HS3ST3A1: variants seen among roughly 807,000 people sequenced by gnomAD.
The protein encoded by HS3ST3A1 is heparan sulfate-glucosamine 3-sulfotransferase 3A1.
HS3ST3A1 carries 19 observed loss-of-function variants against 25.7 expected under a neutral mutation model. That is an observed-to-expected ratio of 0.74 (90% CI 0.52 to 1.08). HS3ST3A1 has a LOEUF of 1.08. Ranked by LOEUF, HS3ST3A1 falls within the 50% of genes least tolerant of loss-of-function variation. The pLI, the probability that HS3ST3A1 is intolerant of heterozygous loss-of-function variation, is 0.00. For missense variants in HS3ST3A1, 459 were observed against 594.3 expected, an observed-to-expected ratio of 0.77 and a Z score of 2.37; for synonymous variants, 226 against 278.6, an observed-to-expected ratio of 0.81 and a Z score of 1.88.
intron 1 of HS3ST3A1, among the ~76,000 whole-genome samples, chr17:13,502,564 A>G (rs892157589): frequency 6.6e-6 from 1 of 152,082 alleles, no homozygotes; most frequent in Non-Finnish European, 1.5e-5. Context: ...CATTGCCCTC[A>G]TGTTGTCTTT....
intron 1 of HS3ST3A1, among the ~76,000 whole-genome samples, chr17:13,540,945 T>C (rs983728839): frequency 6.6e-6 from 1 of 152,258 alleles, no homozygotes; most frequent in African/African-American, 2.4e-5. Context: ...TCATCAAATA[T>C]TTGAAAACTA....
chr17:13,508,077 G>A (rs916131304), intron 1 of HS3ST3A1, among the ~76,000 whole-genome samples: 10 of 152,252 alleles, frequency 6.6e-5, no homozygotes, highest in Middle Eastern at 3.4e-3. Flanking sequence ...CACACCAACC[G>A]AATCTGGATA....
chr17:13,551,473 T>C (rs1035108535), intron 1 of HS3ST3A1, among the ~76,000 whole-genome samples: 1 of 151,916 alleles, frequency 6.6e-6, no homozygotes, highest in Admixed American at 6.6e-5. Context: ...CACACAGCAA[T>C]TGATAGATAA....
intron 1 of HS3ST3A1, among the ~76,000 whole-genome samples, chr17:13,497,590 G>A (rs1193210554): frequency 6.6e-6 from 1 of 152,208 alleles, no homozygotes; most frequent in Non-Finnish European, 1.5e-5. Context: ...TCCAGTTGGA[G>A]TCTTGATACA....
intron 1 of HS3ST3A1, among the ~76,000 whole-genome samples, chr17:13,556,858 A>G (rs1440437945): frequency 6.6e-6 from 1 of 151,954 alleles, no homozygotes. Flanking sequence ...CCTAAAAAAA[A>G]AAAAAAAAGC....
chr17:13,601,204 C>A lies in HS3ST3A1; in HGVS notation c.-75G>T, dbSNP rs879107553. On this transcript the variant is annotated 5_prime_UTR_variant, in exon 1 of 2. Transcript: ENST00000284110. The stretch of plus-strand genomic sequence containing the variant: ...CCCCGACAGGTGCCAGAGCATCCCC[C>A]CGGCGGGCCAGCGCGCTGGACGGAG... 2 of 1,186,092 alleles carry A rather than the reference C, an allele frequency of 1.7e-6. No homozygotes were observed. Among genetic ancestry groups the A allele is most frequent in the African/African-American group, 1.6e-5 (1 of 61,340 alleles). 73.5% of individuals were successfully genotyped at this position (1,186,092 alleles called of 1,614,324 possible). A position where few individuals can be genotyped will look rare whatever the true frequency, so the allele number is the denominator to read the frequency against.
chr17:13,550,772 T>A (rs117403751), intron 1 of HS3ST3A1, among the ~76,000 whole-genome samples: 2,944 of 152,078 alleles, frequency 0.019, 35 homozygotes, highest in Middle Eastern at 0.031. Context: ...CGATATTTTT[T>A]AAAAATTCAA....
intron 1 of HS3ST3A1, among the ~76,000 whole-genome samples, chr17:13,579,778 G>C (rs1051460163): frequency 2.8e-5 from 4 of 141,960 alleles, no homozygotes; most frequent in African/African-American, 1.1e-4. Context: ...CAGATCACCT[G>C]AGGTCAACAT....
chr17:13,530,527 G>A (rs374538859), intron 1 of HS3ST3A1, among the ~76,000 whole-genome samples: 3 of 152,078 alleles, frequency 2.0e-5, no homozygotes, highest in East Asian at 1.9e-4. Flanking sequence ...TTTCAAAGGC[G>A]GTCCTGTTAC....
chr17:13,563,949 CTTAT>C (rs1907614941), intron 1 of HS3ST3A1, among the ~76,000 whole-genome samples: 2 of 152,256 alleles, frequency 1.3e-5, no homozygotes, highest in African/African-American at 4.8e-5. Flanking sequence ...AAATTAATTT[CTTAT>C]TAATTATTAT....
chr17:13,563,217 G>T (rs1000831755), intron 1 of HS3ST3A1, among the ~76,000 whole-genome samples: 19 of 151,860 alleles, frequency 1.3e-4, no homozygotes, highest in Non-Finnish European at 8.8e-5. Context: ...CGCCAGAACC[G>T]CAGCAAAGGG....
At chr17:13,534,847 G>A (rs1315391594) in intron 1 of HS3ST3A1, among the ~76,000 whole-genome samples, 1 of 152,044 alleles carries the variant, frequency 6.6e-6, no homozygotes, top group African/African-American at 2.4e-5. Context: ...CTAACATGGA[G>A]AAACCACGTC....
chr17:13,589,957 C>T (rs892053608), intron 1 of HS3ST3A1, among the ~76,000 whole-genome samples: 18 of 152,136 alleles, frequency 1.2e-4, no homozygotes, highest in Non-Finnish European at 1.8e-4. Context: ...TTCAAACCAG[C>T]CTGGCAACTT....
chr17:13,506,946 G>A (rs1227319580), intron 1 of HS3ST3A1, among the ~76,000 whole-genome samples: 1 of 151,060 alleles, frequency 6.6e-6, no homozygotes, highest in African/African-American at 2.4e-5. Flanking sequence ...GTGGAGCCTT[G>A]TAATCCCAGC....
intron 1 of HS3ST3A1, among the ~76,000 whole-genome samples, chr17:13,546,513 G>T (rs1027937490): frequency 1.3e-5 from 2 of 152,106 alleles, no homozygotes; most frequent in Non-Finnish European, 2.9e-5. Flanking sequence ...TGATCTACCC[G>T]CCTCGGCCTC....
chr17:13,532,915 AC>A (rs1906652091), intron 1 of HS3ST3A1, among the ~76,000 whole-genome samples: 1 of 148,326 alleles, frequency 6.7e-6, no homozygotes, highest in Non-Finnish European at 1.5e-5. Context: ...ATACACACAC[AC>A]ACACACACAC....
At chr17:13,517,876 T>G (rs1906105295) in intron 1 of HS3ST3A1, among the ~76,000 whole-genome samples, 1 of 152,184 alleles carries the variant, frequency 6.6e-6, no homozygotes, top group African/African-American at 2.4e-5. Context: ...ACTCCTGACC[T>G]CAGGTGATCC....
intron 1 of HS3ST3A1, among the ~76,000 whole-genome samples, chr17:13,501,004 G>A (rs116171326): frequency 0.016 from 2,437 of 152,298 alleles, 79 homozygotes; most frequent in African/African-American, 0.056. Flanking sequence ...AAATAATCCA[G>A]TGACAAAAAG....
chr17:13,599,886 GCACTTTA>G (rs1294215660), intron 1 of HS3ST3A1, among the ~76,000 whole-genome samples: 4 of 152,212 alleles, frequency 2.6e-5, no homozygotes, highest in Non-Finnish European at 5.9e-5. Context: ...AATATCAAAA[GCACTTTA>G]CAAAACTCAT....
Sources: allele counts gnomAD v4.1 joint callset (sites outside exome capture counted in the v4.1 genomes callset), GRCh38; gene constraint gnomAD v4.1.1; transcripts MANE v1.5; gene names NCBI Gene and HGNC (gene_info 2026-07-23, HGNC 2026-07-21).